The following DPP6 variants were observed in gnomAD, a reference collection of about 807,000 sequenced individuals.
DPP6 encodes the protein dipeptidyl peptidase like 6, also known as A-type potassium channel modulatory protein DPP6.
Under a neutral mutation model 122.6 loss-of-function variants are expected in DPP6, and 69 were observed. That is an observed-to-expected ratio of 0.56 (90% confidence interval 0.46 to 0.69). The LOEUF (loss-of-function observed/expected upper bound fraction) is 0.69, where lower values mean the gene tolerates loss of function less well. Among genes scored for constraint, DPP6 ranks in the 30% least tolerant of loss-of-function variants. The probability of loss-of-function intolerance (pLI) is 0.00; values close to 1 mark genes in which losing one functional copy is unlikely to be tolerated. For missense variants in DPP6, 928 were observed against 1,116.9 expected (o/e 0.83, Z 2.41); for synonymous variants, 418 against 433.1 (o/e 0.97, Z 0.43).
At chr7:154,846,496 C>T (rs1801956458) in intron 16 of DPP6, among the ~76,000 whole-genome samples, 2 of 152,194 alleles carry the variant, frequency 1.3e-5, no homozygotes, top group Non-Finnish European at 1.5e-5. Context: ...AGTCAGCTTC[C>T]TTGTTTCACA....
At chr7:154,048,724 C>T (rs1421045025), upstream of DPP6, among the ~76,000 whole-genome samples, 20 of 98,314 alleles carry the variant, frequency 2.0e-4, 7 homozygotes, top group Admixed American at 1.1e-3. Context: ...TCCCTCAGCA[C>T]CCAGAGAAAA....
At chr7:154,412,491 T>C (rs1816689231) in intron 1 of DPP6, among the ~76,000 whole-genome samples, 2 of 152,256 alleles carry the variant, frequency 1.3e-5, no homozygotes, top group South Asian at 4.2e-4. Flanking sequence ...CCCCACCTCA[T>C]TTAACCTTAA....
intron 1 of DPP6, among the ~76,000 whole-genome samples, chr7:154,360,914 C>T (rs1412819314): frequency 5.3e-5 from 8 of 152,006 alleles, no homozygotes; most frequent in African/African-American, 9.7e-5. Flanking sequence ...TGCTGGATTC[C>T]GGGGGCTAAT....
At chr7:153,928,395 C>CTTTTTTTTTTTTTTTTTTTTTTTT (rs1467865041) in intron 1 of DPP6, among the ~76,000 whole-genome samples, 7 of 29,990 alleles carry the variant, frequency 2.3e-4, no homozygotes, top group East Asian at 7.5e-4. Context: ...TCTTTTCTTT[C>CTTTTTTTTTTTTTTTTTTTTTTTT]ATTTTTTTTT....
chr7:153,854,318 T>C, the DPP6 span, among the ~76,000 whole-genome samples: 2 of 152,108 alleles, frequency 1.3e-5, no homozygotes, highest in Admixed American at 6.6e-5. Context: ...AGGATTGACT[T>C]GGTGATCGCA....
intron 1 of DPP6, among the ~76,000 whole-genome samples, chr7:153,937,562 C>T (rs1259261960): frequency 1.3e-5 from 2 of 151,614 alleles, no homozygotes; most frequent in Non-Finnish European, 2.9e-5. Flanking sequence ...ATTCTCCTTC[C>T]TCAGCCTCCC....
chr7:154,286,645 C>T (rs1804868473), intron 1 of DPP6, among the ~76,000 whole-genome samples: 1 of 152,014 alleles, frequency 6.6e-6, no homozygotes. Context: ...CATTCCTCTC[C>T]AGGGCCATGG....
rs770515048 is a variant in DPP6 at position 154,446,270 on chromosome 7, G to C, written c.300G>C (p.Leu100=). 3.7e-6 allele frequency: 6 copies of C among 1,612,276 alleles called. No homozygotes were observed. Among genetic ancestry groups the C allele is most frequent in the Admixed American group, 3.3e-5 (2 of 59,808 alleles). Residue 100 remains leucine, a synonymous_variant, in exon 2 of 26, where the codon CTG becomes CTC. Coordinates refer to ENST00000377770, the MANE Select transcript of DPP6 (RefSeq NM_130797.4). ...QRNWKGIAIA[L]LVILVICSLI... ...ATTGGAAAGGAATAGCAATTGCACT[G>C]CTTGTCATTCTGGTCATCTGCTCCT...
intron 1 of DPP6, among the ~76,000 whole-genome samples, chr7:153,961,901 G>T (rs1183406381): frequency 6.8e-6 from 1 of 146,276 alleles, no homozygotes; most frequent in East Asian, 2.0e-4. Flanking sequence ...GCGATGGGGA[G>T]CGGCTGTAAG....
At position 154,319,883 on chromosome 7, in the gene DPP6, C is replaced by A. The variant is rs555138537; in HGVS notation, c.244-126331C>A. On this transcript the variant is annotated intron_variant, in intron 1 of 25. Coordinates refer to ENST00000377770, the MANE Select transcript of DPP6 (RefSeq NM_130797.4). ...GTGGGTGCCTGTAATCCCAGCTACA[C>A]AGGAGGCTGAGGCAGGAGAATTGCT... Among the ~76,000 whole-genome samples the A allele has an allele frequency of 8.8e-4, 133 of 151,932 alleles. 1 individual carries two copies. The highest frequency in any genetic ancestry group is 3.1e-3 in the African/African-American group (128 of 41,444).
chr7:154,598,767 A>G (rs969277806), intron 5 of DPP6, among the ~76,000 whole-genome samples: 1 of 152,196 alleles, frequency 6.6e-6, no homozygotes, highest in African/African-American at 2.4e-5. Flanking sequence ...AGGCATCTTG[A>G]AGTGTGCAAG....
chr7:154,630,085 G>C (rs568558871), intron 5 of DPP6, among the ~76,000 whole-genome samples: 2 of 152,338 alleles, frequency 1.3e-5, no homozygotes, highest in South Asian at 4.2e-4. Flanking sequence ...CTGAGGCTCA[G>C]ATAAGCAACT....
intron 1 of DPP6, among the ~76,000 whole-genome samples, chr7:154,375,688 G>A (rs534327325): frequency 2.6e-5 from 4 of 152,100 alleles, no homozygotes; most frequent in South Asian, 2.1e-4. Flanking sequence ...AGAAGCTGCC[G>A]GCACCCTGAC....
chr7:154,453,533 T>C (rs1820570167), intron 2 of DPP6, among the ~76,000 whole-genome samples: 1 of 149,392 alleles, frequency 6.7e-6, no homozygotes, highest in Non-Finnish European at 1.5e-5. Flanking sequence ...ATTATATATT[T>C]AACATAAATA....
the DPP6 span, among the ~76,000 whole-genome samples, chr7:153,818,666 G>GCATAATAAA: frequency 6.6e-6 from 1 of 151,490 alleles, no homozygotes; most frequent in Non-Finnish European, 1.5e-5. Flanking sequence ...AAATAAGTGG[G>GCATAATAAA]CATAATAAAC....
At chr7:154,387,712 G>T (rs1814242090) in intron 1 of DPP6, among the ~76,000 whole-genome samples, 1 of 152,100 alleles carries the variant, frequency 6.6e-6, no homozygotes, top group South Asian at 2.1e-4. Flanking sequence ...CACAGCCCCT[G>T]CTGCCAAAGG....
intron 1 of DPP6, among the ~76,000 whole-genome samples, chr7:154,003,455 C>T (rs1227729960): frequency 1.3e-5 from 2 of 152,164 alleles, no homozygotes; most frequent in Admixed American, 6.5e-5. Context: ...AAAAGCTGAG[C>T]GTGTGTGACA....
the DPP6 span, among the ~76,000 whole-genome samples, chr7:153,843,802 C>T: frequency 3.3e-5 from 5 of 152,132 alleles, no homozygotes; most frequent in Non-Finnish European, 4.4e-5. Flanking sequence ...AGACATTAAT[C>T]AGCAGGAACA....
exon 1 of DPP6, chr7:153,887,208 C>G (rs2128991427): frequency 6.5e-6 from 1 of 153,204 alleles, no homozygotes; most frequent in Non-Finnish European, 1.5e-5. Flanking sequence ...CGCTGCACCC[C>G]GCACCGCCTG....
Sources: allele counts gnomAD v4.1 joint callset (sites outside exome capture counted in the v4.1 genomes callset), GRCh38; gene constraint gnomAD v4.1.1; transcripts MANE v1.5; gene names NCBI Gene and HGNC (gene_info 2026-07-23, HGNC 2026-07-21).